Variants in RGSL1 observed in about 807,000 individuals in gnomAD.
RGSL1 encodes the protein regulator of G protein signaling like 1, also known as regulator of G protein signaling protein-like.
RGSL1 carries 97 observed loss-of-function variants against 124.7 expected under a neutral mutation model. The observed-to-expected ratio is 0.78, with a 90% CI of 0.66 to 0.92. RGSL1 has a LOEUF of 0.92. Ranked by LOEUF, RGSL1 falls within the 40% of genes least tolerant of loss-of-function variation. RGSL1 has a pLI of 0.00. For synonymous variants in RGSL1, 424 were observed against 438.1 expected, an observed-to-expected ratio of 0.97 and a Z score of 0.40; for missense variants, 1,233 against 1,288.4, an observed-to-expected ratio of 0.96 and a Z score of 0.66.
chr1:182,533,920 T>G (rs1659365627), intron 14 of RGSL1, among the ~76,000 whole-genome samples: 1 of 152,176 alleles, frequency 6.6e-6, no homozygotes, highest in African/African-American at 2.4e-5. Flanking sequence ...GGAGAGTGAT[T>G]TCTAGGTATG....
At chr1:182,501,833 T>C (rs551115779) in intron 9 of RGSL1, among the ~76,000 whole-genome samples, 1 of 152,338 alleles carries the variant, frequency 6.6e-6, no homozygotes, top group African/African-American at 2.4e-5. Flanking sequence ...TTGATGTTAA[T>C]TCTTGAAATG....
chr1:182,492,941 T>C (rs1353650567), intron 8 of RGSL1, 81 bp from the exon 9 acceptor site: 2 of 965,590 alleles, frequency 2.1e-6, no homozygotes, highest in East Asian at 5.2e-5. Context: ...TTAAAGGCAA[T>C]ACCTTCAACA....
In RGSL1 at chr1:182,451,683, A is replaced by G. The variant is rs374866453; in HGVS notation, c.13+1505A>G. On this transcript the variant is annotated intron_variant, in intron 1 of 21. Coordinates refer to ENST00000294854, the MANE Select transcript of RGSL1 (RefSeq NM_001137669.2). ...GGTAAAGCCTCAGATACTATACTAG[A>G]GAGTTTGGACTTTACCTTCTAGGAC... Among the ~76,000 whole-genome samples the G allele has an allele frequency of 1.1e-4, 16 of 150,780 alleles. No individual in the cohort carries two copies. In the South Asian group the frequency reaches 3.4e-3, roughly 32 times the overall value.
rs535333549 is a variant in RGSL1 at position 182,552,490 on chromosome 1, G to A, written c.3044-965G>A. Among the ~76,000 whole-genome samples the A allele has an allele frequency of 7.5e-4, 114 of 152,228 alleles. 1 individual carries two copies. Among genetic ancestry groups the A allele is most frequent in the African/African-American group, 2.6e-3 (107 of 41,526 alleles). The stretch of plus-strand genomic sequence containing the variant: ...GAGGACAAGGCTGGGTGTCTTTCAG[G>A]GGAAAGTTCTGAAAACCAAAGAAAA... On this transcript the variant is annotated intron_variant, in intron 18 of 21. Coordinates refer to ENST00000294854, the MANE Select transcript of RGSL1 (RefSeq NM_001137669.2).
At chr1:182,511,858 C>T (rs1378095660) in intron 9 of RGSL1, among the ~76,000 whole-genome samples, 1 of 152,114 alleles carries the variant, frequency 6.6e-6, no homozygotes, top group Non-Finnish European at 1.5e-5. Context: ...ATTAATTCTT[C>T]CAGTCATGAG....
At chr1:182,449,061 T>C (rs1328528161), upstream of RGSL1, among the ~76,000 whole-genome samples, 1 of 152,220 alleles carries the variant, frequency 6.6e-6, no homozygotes, top group Non-Finnish European at 1.5e-5. Flanking sequence ...TATGATATTG[T>C]AGAATCATGC....
In RGSL1 at chr1:182,467,746, T is replaced by C. The variant is rs552975884; in HGVS notation, c.302-4650T>C. Among the ~76,000 whole-genome samples, 25 of 152,056 alleles carry C rather than the reference T, an allele frequency of 1.6e-4. 1 individual carries two copies. The East Asian group carries it at 4.8e-3, about 29-fold the overall frequency. ...TCTAAAACACCAAAAGCAATGGCAATAAAAGCCAAAATTGACAAACAGGAT... is the reference window on the plus strand; with the variant it reads ...TCTAAAACACCAAAAGCAATGGCAACAAAAGCCAAAATTGACAAACAGGAT... On this transcript the variant is annotated intron_variant, in intron 4 of 21. Transcript: ENST00000294854.
In RGSL1 at chr1:182,467,835, A is replaced by G. The variant is rs1354312769; in HGVS notation, c.302-4561A>G. On this transcript the variant is annotated intron_variant, in intron 4 of 21. Transcript: ENST00000294854. Reference sequence around the variant, plus strand: ...TACCATCAGAGTGAACAGGCAACCTACGGAATGGAAGAAAATTTTTGCAAT... The same window carrying G: ...TACCATCAGAGTGAACAGGCAACCTGCGGAATGGAAGAAAATTTTTGCAAT... Among the ~76,000 whole-genome samples the G allele has an allele frequency of 2.0e-5, 3 of 152,258 alleles. No homozygotes were observed. The East Asian group carries it at 5.8e-4, about 29-fold the overall frequency.
chr1:182,486,039 T>C (rs1301334105), intron 6 of RGSL1, among the ~76,000 whole-genome samples: 2 of 152,144 alleles, frequency 1.3e-5, no homozygotes, highest in African/African-American at 4.8e-5. Flanking sequence ...TGCAGAACCT[T>C]CATCTATTGC....
At chr1:182,522,824 G>T (rs1282285668) in intron 10 of RGSL1, among the ~76,000 whole-genome samples, 1 of 151,964 alleles carries the variant, frequency 6.6e-6, no homozygotes, top group Non-Finnish European at 1.5e-5. Flanking sequence ...TTCTTGACTT[G>T]ACTATAATTT....
intron 9 of RGSL1, among the ~76,000 whole-genome samples, chr1:182,517,446 T>G (rs1189855413): frequency 6.6e-6 from 1 of 151,758 alleles, no homozygotes; most frequent in Non-Finnish European, 1.5e-5. Flanking sequence ...CAATTATTAT[T>G]TTTTTTTAAA....
chr1:182,486,310 ATT>A (rs544790840), intron 6 of RGSL1, among the ~76,000 whole-genome samples: 39 of 137,714 alleles, frequency 2.8e-4, no homozygotes, highest in African/African-American at 6.7e-4. Flanking sequence ...TAGAGTCATA[ATT>A]TTTTTTTTTT....
intron 6 of RGSL1, among the ~76,000 whole-genome samples, chr1:182,480,243 A>C (rs1170893601): frequency 6.6e-6 from 1 of 152,158 alleles, no homozygotes; most frequent in Non-Finnish European, 1.5e-5. Flanking sequence ...GTGCTAAGTC[A>C]CAAAAAGGTC....
At chr1:182,550,907 G>A in intron 17 of RGSL1, 193 bp from the exon 18 acceptor site, 1 of 584,254 alleles carries the variant, frequency 1.7e-6, no homozygotes, top group Non-Finnish European at 3.0e-6. Flanking sequence ...GCTGGAGCCA[G>A]GTCTGGACAA....
rs1660374813 is a variant in RGSL1, at chr1:182,548,688, C to A, written c.2809-12C>A. 1 of 1,551,284 alleles carries A rather than the reference C, an allele frequency of 6.4e-7. No homozygotes were observed. The highest frequency in any genetic ancestry group is 8.7e-7 in the Non-Finnish European group (1 of 1,146,874). ...AGCCTCTGCCAGTGACAGGCTCCCA[C>A]TCTGTGGGTAGGTGAATGTCCCTGA... On this transcript the variant is annotated splice_polypyrimidine_tract_variant and intron_variant, in intron 16 of 21. Coordinates refer to ENST00000294854, the MANE Select transcript of RGSL1 (RefSeq NM_001137669.2).
At position 182,512,916 on chromosome 1, in the gene RGSL1, T is replaced by C. The variant is rs78450435; in HGVS notation, c.1826-9088T>C. Among the ~76,000 whole-genome samples, 280 of 152,314 alleles carry C rather than the reference T, an allele frequency of 1.8e-3. 2 individuals are homozygous for C. Among genetic ancestry groups the C allele is most frequent in the African/African-American group, 6.6e-3 (273 of 41,562 alleles). On this transcript the variant is annotated intron_variant, in intron 9 of 21. Coordinates refer to ENST00000294854, the MANE Select transcript of RGSL1 (RefSeq NM_001137669.2). ...TCTGATGCTCCTTCTCTCCTCTCCT[T>C]CTCTGCCATGCCACTCTTCTGCTCC...
intron 2 of RGSL1, among the ~76,000 whole-genome samples, chr1:182,457,575 T>C (rs1455224767): frequency 6.6e-6 from 1 of 152,174 alleles, no homozygotes; most frequent in Non-Finnish European, 1.5e-5. Flanking sequence ...TGTGAGGCTG[T>C]TCATCTAGGG....
At chr1:182,451,107 C>T (rs1202249390) in intron 1 of RGSL1, among the ~76,000 whole-genome samples, 1 of 141,346 alleles carries the variant, frequency 7.1e-6, no homozygotes, top group Non-Finnish European at 1.5e-5. Context: ...GATCTTGCCA[C>T]TGCATTCCAG....
At chr1:182,488,042 T>C (rs535822349) in intron 6 of RGSL1, among the ~76,000 whole-genome samples, 2 of 152,352 alleles carry the variant, frequency 1.3e-5, no homozygotes, top group South Asian at 4.1e-4. Flanking sequence ...TTGTCATCTC[T>C]CTTCTTAAGT....
Sources: allele counts gnomAD v4.1 joint callset (sites outside exome capture counted in the v4.1 genomes callset), GRCh38; gene constraint gnomAD v4.1.1; transcripts MANE v1.5; gene names NCBI Gene and HGNC (gene_info 2026-07-23, HGNC 2026-07-21).